GNRHR: variants seen among roughly 807,000 people sequenced by gnomAD.
GNRHR encodes the protein gonadotropin releasing hormone receptor.
Under a neutral mutation model 28.1 loss-of-function variants are expected in GNRHR, and 14 were observed. The observed-to-expected ratio is 0.50, with a 90% CI of 0.33 to 0.78. GNRHR has a LOEUF of 0.78. GNRHR is among the 30% of genes least tolerant of loss of function. The probability of loss-of-function intolerance (pLI) is 0.02; values close to 1 mark genes in which losing one functional copy is unlikely to be tolerated. For missense variants in GNRHR, 366 were observed against 382.1 expected, an observed-to-expected ratio of 0.96 and a Z score of 0.35; for synonymous variants, 141 against 140.5, an observed-to-expected ratio of 1.00 and a Z score of -0.02.
intron 1 of GNRHR, among the ~76,000 whole-genome samples, chr4:67,746,912 C>T (rs1469374976): frequency 6.6e-6 from 1 of 151,986 alleles, no homozygotes; most frequent in Non-Finnish European, 1.5e-5. Context: ...AATAATTTTA[C>T]TATCACTCCA....
chr4:67,737,849 A>C lies in GNRHR; in HGVS notation c.*2631T>G, dbSNP rs1316066831. ...TGATATATTAGATTGACTCTGTGGA[A>C]CATTTCCTTTTTTACAAGGAGTCCT... On this transcript the variant is annotated 3_prime_UTR_variant, in exon 3 of 3. Coordinates refer to ENST00000226413, the MANE Select transcript of GNRHR (RefSeq NM_000406.3). Among the ~76,000 whole-genome samples, 1 of 151,942 alleles carries C rather than the reference A, an allele frequency of 6.6e-6. No homozygotes were observed. Among genetic ancestry groups the C allele is most frequent in the Admixed American group, 6.6e-5 (1 of 15,246 alleles).
chr4:67,749,922 GAACC>G (rs981360634), intron 1 of GNRHR, among the ~76,000 whole-genome samples: 2 of 151,954 alleles, frequency 1.3e-5, no homozygotes, highest in Non-Finnish European at 2.9e-5. Context: ...GTTTCTTAAA[GAACC>G]AACAATTCCA....
At position 67,753,950 on chromosome 4, in the gene GNRHR, G is replaced by A. The variant is rs104893838; in HGVS notation, c.386C>T (p.Ala129Val). The change falls in exon 1 of 3, where the codon GCC (alanine) becomes GTC (valine). Residue 129 changes from alanine to valine, a missense_variant. Physicochemically the swap from Ala to Val is moderately conservative, Grantham distance 64. Transcript: ENST00000226413. ...CAGGCTGATCACCACCATCATGAAG[G>A]CTGGGGCATACATGGAGAAAAGCTT... ...YLKLFSMYAP[A>V]FMMVVISLDR... 1.2e-6 allele frequency: 2 copies of A among 1,614,028 alleles called. No homozygotes were observed. Among genetic ancestry groups the A allele is most frequent in the Non-Finnish European group, 1.7e-6 (2 of 1,179,946 alleles).
rs77700896 is a variant in GNRHR at position 67,743,431 on chromosome 4, T to C, written c.742+1137A>G. ...TCACAGTTGATAATTGGTTTACTGT[T>C]TATGACTTTTCTGCTAGACTGTAGT... On this transcript the variant is annotated intron_variant, in intron 2 of 2. Coordinates refer to ENST00000226413, the MANE Select transcript of GNRHR (RefSeq NM_000406.3). Among the ~76,000 whole-genome samples, 15 of 152,330 alleles carry C rather than the reference T, an allele frequency of 9.8e-5. No homozygotes were observed. The East Asian group carries it at 2.7e-3, about 27-fold the overall frequency.
At position 67,738,079 on chromosome 4, in the gene GNRHR, GT is replaced by G. The variant is rs1448413623; in HGVS notation, c.*2400del. On this transcript the variant is annotated 3_prime_UTR_variant, in exon 3 of 3. Transcript: ENST00000226413. The stretch of plus-strand genomic sequence containing the variant: ...CATATAGAATAATTATTTGTGTTAT[GT>G]TTTTTATTACATATTGAACCTTAAG... Among the ~76,000 whole-genome samples the G allele has an allele frequency of 2.0e-5, 3 of 151,530 alleles. No homozygotes were observed. The highest frequency in any genetic ancestry group is 7.3e-5 in the African/African-American group (3 of 41,346).
intron 1 of GNRHR, among the ~76,000 whole-genome samples, chr4:67,751,141 G>C (rs1478864880): frequency 6.6e-6 from 1 of 152,126 alleles, no homozygotes; most frequent in South Asian, 2.1e-4. Context: ...AAAATAAAAT[G>C]TAACAGAATA....
chr4:67,738,813 G>A lies in GNRHR; in HGVS notation c.*1667C>T, dbSNP rs1731600513. Among the ~76,000 whole-genome samples the A allele has an allele frequency of 6.6e-6, 1 of 151,886 alleles. No individual in the cohort carries two copies. Among genetic ancestry groups the A allele is most frequent in the Admixed American group, 6.6e-5 (1 of 15,232 alleles). ...TGGGCCATGAATTGGTTAATTAAAG[G>A]TATGAGTTTAATGGAAAAGAAGCTA... On this transcript the variant is annotated 3_prime_UTR_variant, in exon 3 of 3. Transcript: ENST00000226413.
chr4:67,751,619 A>G (rs1027146074), intron 1 of GNRHR: 4 of 152,192 alleles, frequency 2.6e-5, no homozygotes, highest in African/African-American at 9.6e-5. Flanking sequence ...TTATCTTTCT[A>G]TTATTGCTGT....
chr4:67,743,498 C>G (rs148500022), intron 2 of GNRHR, among the ~76,000 whole-genome samples: 216 of 152,252 alleles, frequency 1.4e-3, no homozygotes, highest in African/African-American at 4.9e-3. Flanking sequence ...TCTTATTCAC[C>G]ATGGTATCCC....
Position 67,740,432 on chromosome 4 carries a change from A to T in GNRHR, c.*48T>A. On this transcript the variant is annotated 3_prime_UTR_variant, in exon 3 of 3. Transcript: ENST00000226413. Reference sequence around the variant, plus strand: ...GTGTTAATCATTCCCAGATGGAGAGATTCATTACCTTACCCTTCTTCATAT... The same window carrying T: ...GTGTTAATCATTCCCAGATGGAGAGTTTCATTACCTTACCCTTCTTCATAT... 1.4e-6 allele frequency: 2 copies of T among 1,394,464 alleles called. No individual in the cohort carries two copies. The highest frequency in any genetic ancestry group is 4.6e-5 in the East Asian group (2 of 43,878). 86.4% of individuals were successfully genotyped at this position (1,394,464 alleles called of 1,614,324 possible). A position where few individuals can be genotyped will look rare whatever the true frequency, so the allele number is the denominator to read the frequency against.
chr4:67,744,609 A>G lies in GNRHR; in HGVS notation c.701T>C (p.Ile234Thr). The G allele has an allele frequency of 1.2e-6, 2 of 1,613,212 alleles. No individual in the cohort carries two copies. Among genetic ancestry groups the G allele is most frequent in the Non-Finnish European group, 8.5e-7 (1 of 1,179,158 alleles). The part of the protein sequence containing the change: ...LFIMLICNAK[I>T]IFTLTRVLHQ... ...AAGGACCCGTGTCAGGGTGAAGATG[A>G]TTTTTGCATTGCAGATCAGCATGAT... Residue 234 changes from isoleucine (I) to threonine (T), a missense_variant, in exon 2 of 3, where the codon ATC (isoleucine) becomes ACC (threonine). Coordinates refer to ENST00000226413, the MANE Select transcript of GNRHR (RefSeq NM_000406.3).
At chr4:67,748,047 T>G (rs1731792138) in intron 1 of GNRHR, among the ~76,000 whole-genome samples, 1 of 152,064 alleles carries the variant, frequency 6.6e-6, no homozygotes, top group Non-Finnish European at 1.5e-5. Flanking sequence ...TATATTTCTT[T>G]AATTTTGGTA....
Position 67,740,519 on chromosome 4 carries a change from TGGGTTTAAAAA to T in GNRHR, c.937_947del (p.Phe313MetfsTer3). On this transcript the variant is annotated frameshift_variant, in exon 3 of 3. Coordinates refer to ENST00000226413, the MANE Select transcript of GNRHR (RefSeq NM_000406.3). LOFTEE classifies it high-confidence loss of function. The stretch of plus-strand genomic sequence containing the variant: ...ATCCATAGATAAGTGGATCAAAGCA[TGGGTTTAAAAA>T]GGCAAAGAGAAAGAAGAAGTGATTT... 1 of 1,606,532 alleles carries T rather than the reference TGGGTTTAAAAA, an allele frequency of 6.2e-7. No homozygotes were observed. The highest frequency in any genetic ancestry group is 8.5e-7 in the Non-Finnish European group (1 of 1,173,200).
At chr4:67,747,310 AG>A in intron 1 of GNRHR, 2 of 160,556 alleles carry the variant, frequency 1.2e-5, no homozygotes. Context: ...ATGCTACATG[AG>A]GGGTGAGTTT....
rs151127420 is a variant in GNRHR, at chr4:67,753,949, G to C, written c.387C>G (p.Ala129=). The change falls in exon 1 of 3, where the codon GCC becomes GCG. Residue 129 remains alanine (A), a synonymous_variant. Transcript: ENST00000226413. Reference sequence around the variant, plus strand: ...CCAGGCTGATCACCACCATCATGAAGGCTGGGGCATACATGGAGAAAAGCT... The same window carrying C: ...CCAGGCTGATCACCACCATCATGAACGCTGGGGCATACATGGAGAAAAGCT... The part of the protein sequence containing the change: ...YLKLFSMYAP[A]FMMVVISLDR... The C allele has an allele frequency of 1.9e-6, 3 of 1,613,862 alleles. No homozygotes were observed. The African/African-American group carries it at 4.0e-5, about 22-fold the overall frequency.
In GNRHR at chr4:67,739,040, C is replaced by CT. The variant is rs35822061; in HGVS notation, c.*1439dup. Among the ~76,000 whole-genome samples, 8 of 151,970 alleles carry CT rather than the reference C, an allele frequency of 5.3e-5. No individual in the cohort carries two copies. Among genetic ancestry groups the CT allele is most frequent in the Non-Finnish European group, 1.2e-4 (8 of 67,892 alleles). On this transcript the variant is annotated 3_prime_UTR_variant, in exon 3 of 3. Coordinates refer to ENST00000226413, the MANE Select transcript of GNRHR (RefSeq NM_000406.3). ...GGAGTATTTAGAAATTACATTTCAT[C>CT]TTTTTTTGTGGCAGTACATAGCTCA...
At position 67,738,737 on chromosome 4, in the gene GNRHR, G is replaced by A. The variant is rs930727189; in HGVS notation, c.*1743C>T. On this transcript the variant is annotated 3_prime_UTR_variant, in exon 3 of 3. Coordinates refer to ENST00000226413, the MANE Select transcript of GNRHR (RefSeq NM_000406.3). ...GGAATGGGTTTATGTGCCAACTTGAGCATTTTAGCACACTACAGAATTTTA... is the reference window on the plus strand; with the variant it reads ...GGAATGGGTTTATGTGCCAACTTGAACATTTTAGCACACTACAGAATTTTA... Among the ~76,000 whole-genome samples, 1 of 151,910 alleles carries A rather than the reference G, an allele frequency of 6.6e-6. No homozygotes were observed. Among genetic ancestry groups the A allele is most frequent in the African/African-American group, 2.4e-5 (1 of 41,398 alleles).
Position 67,754,355 on chromosome 4 carries a change from T to G in GNRHR, c.-20A>C. The G allele has an allele frequency of 6.3e-7, 1 of 1,597,264 alleles. No homozygotes were observed. On this transcript the variant is annotated 5_prime_UTR_variant, in exon 1 of 3. The change abolishes the stop of an existing upstream ORF in the 5' untranslated region. Coordinates refer to ENST00000226413, the MANE Select transcript of GNRHR (RefSeq NM_000406.3). ...TGCCATATTTTCCCAGGACAGAGCT[T>G]CAAGCCTTGTGTCTCTGGTGCATCT...
chr4:67,747,666 T>C (rs927942652), intron 1 of GNRHR, among the ~76,000 whole-genome samples: 7 of 152,150 alleles, frequency 4.6e-5, no homozygotes, highest in Admixed American at 2.0e-4. Context: ...GCAATGACTT[T>C]GAAACATAGT....
Sources: allele counts gnomAD v4.1 joint callset (sites outside exome capture counted in the v4.1 genomes callset), GRCh38; gene constraint gnomAD v4.1.1; transcripts MANE v1.5; gene names NCBI Gene and HGNC (gene_info 2026-07-23, HGNC 2026-07-21).